INSYN2B: variants seen among roughly 807,000 people sequenced by gnomAD.
The protein encoded by INSYN2B is inhibitory synaptic factor family member 2B.
INSYN2B carries 16 observed loss-of-function variants against 41.2 expected under a neutral mutation model. The ratio of observed to expected loss-of-function variants is 0.39; its 90% CI spans 0.26 to 0.59. The LOEUF is 0.59. Ranked by LOEUF, INSYN2B falls within the 20% of genes least tolerant of loss-of-function variation. INSYN2B has a pLI of 0.57. For synonymous variants in INSYN2B, 245 were observed against 244.4 expected (o/e 1.00, Z -0.02); for missense variants, 608 against 646.4 (o/e 0.94, Z 0.64).
chr5:169,873,285 G>C (rs542413640), intron 3 of INSYN2B, among the ~76,000 whole-genome samples: 21 of 152,234 alleles, frequency 1.4e-4, no homozygotes, highest in Admixed American at 3.3e-4. Context: ...TCTCCTGTTG[G>C]GACTCAGAGA....
At chr5:169,916,389 C>T (rs1371821294) in intron 1 of INSYN2B, among the ~76,000 whole-genome samples, 1 of 152,196 alleles carries the variant, frequency 6.6e-6, no homozygotes, top group African/African-American at 2.4e-5. Context: ...CAATTTCTGG[C>T]CCTCCTATCA....
chr5:169,909,426 T>G (rs972759686), intron 1 of INSYN2B, among the ~76,000 whole-genome samples: 21 of 152,204 alleles, frequency 1.4e-4, no homozygotes, highest in Non-Finnish European at 2.6e-4. Flanking sequence ...GCAATGAATT[T>G]AAAAAAATCT....
At chr5:169,881,982 T>G (rs1190893255) in intron 2 of INSYN2B, among the ~76,000 whole-genome samples, 1 of 152,182 alleles carries the variant, frequency 6.6e-6, no homozygotes, top group Non-Finnish European at 1.5e-5. Flanking sequence ...GGAAAGCATT[T>G]TGTGACTTTT....
chr5:169,888,231 A>G lies in INSYN2B; in HGVS notation c.-918-3415T>C, dbSNP rs189383041. ...ACATCGTGGGGAATACACCTGGCTA[A>G]AAGCACCCTCTGGAGGCCCTTAAGT... On this transcript the variant is annotated intron_variant, in intron 1 of 3. Transcript: ENST00000377365. Among the ~76,000 whole-genome samples the G allele has an allele frequency of 1.8e-4, 27 of 152,282 alleles. No individual in the cohort carries two copies. The East Asian group carries it at 5.2e-3, about 29-fold the overall frequency.
intron 1 of INSYN2B, among the ~76,000 whole-genome samples, chr5:169,906,856 C>T (rs771200758): frequency 6.6e-6 from 1 of 152,126 alleles, no homozygotes; most frequent in Non-Finnish European, 1.5e-5. Flanking sequence ...GACTGCTAGC[C>T]GCCTCTGTCC....
At chr5:169,910,880 G>C (rs1398178775) in intron 1 of INSYN2B, among the ~76,000 whole-genome samples, 1 of 152,164 alleles carries the variant, frequency 6.6e-6, no homozygotes, top group African/African-American at 2.4e-5. Flanking sequence ...TTCTCCTGCA[G>C]GGGGTTGGTT....
intron 3 of INSYN2B, among the ~76,000 whole-genome samples, chr5:169,869,973 G>A (rs1036224706): frequency 3.3e-5 from 5 of 152,212 alleles, no homozygotes; most frequent in African/African-American, 1.2e-4. Flanking sequence ...GGCTTACAGT[G>A]GAGGGCAAAT....
chr5:169,923,981 A>T (rs1326708034), intron 1 of INSYN2B, among the ~76,000 whole-genome samples: 1 of 152,222 alleles, frequency 6.6e-6, no homozygotes, highest in African/African-American at 2.4e-5. Flanking sequence ...ATGGAGCTGG[A>T]TTAATAACGT....
chr5:169,941,721 G>A (rs1296050119), intron 1 of INSYN2B, among the ~76,000 whole-genome samples: 4 of 152,188 alleles, frequency 2.6e-5, no homozygotes, highest in African/African-American at 7.2e-5. Context: ...CTGTTATGTG[G>A]AAAACAAACT....
chr5:169,928,678 A>C (rs183300207), intron 1 of INSYN2B, among the ~76,000 whole-genome samples: 1 of 152,240 alleles, frequency 6.6e-6, no homozygotes, highest in Non-Finnish European at 1.5e-5. Flanking sequence ...CAAACTGTTG[A>C]AGCGTAAAGC....
chr5:169,938,893 T>C lies in INSYN2B; in HGVS notation c.-919+41384A>G, dbSNP rs1319105840. On this transcript the variant is annotated intron_variant, in intron 1 of 3. Transcript: ENST00000377365. ...TATCCTTATTCTACAAGCATTTTTC[T>C]TTCTTTTTTTTCTTTTCTTTTTTTT... 2.1e-5 allele frequency among the ~76,000 whole-genome samples: 3 copies of C among 145,814 alleles called. No individual in the cohort carries two copies. The Admixed American group carries it at 2.2e-4, about 11-fold the overall frequency.
intron 1 of INSYN2B, among the ~76,000 whole-genome samples, chr5:169,903,540 G>A (rs753532616): frequency 6.6e-6 from 1 of 151,588 alleles, no homozygotes; most frequent in Non-Finnish European, 1.5e-5. Context: ...GGGGGGCAGG[G>A]GGCGTTCGGG....
intron 1 of INSYN2B, among the ~76,000 whole-genome samples, chr5:169,892,892 C>T (rs1466135223): frequency 6.6e-6 from 1 of 151,922 alleles, no homozygotes; most frequent in Non-Finnish European, 1.5e-5. Flanking sequence ...GTCTTCACTC[C>T]TTCTTTTCCC....
intron 1 of INSYN2B, among the ~76,000 whole-genome samples, chr5:169,952,701 C>A (rs1463938314): frequency 6.6e-6 from 1 of 152,172 alleles, no homozygotes; most frequent in African/African-American, 2.4e-5. Flanking sequence ...CATGCTCCAG[C>A]CAGCCTTGCC....
At chr5:169,921,141 A>G (rs1775151918) in intron 1 of INSYN2B, among the ~76,000 whole-genome samples, 1 of 152,208 alleles carries the variant, frequency 6.6e-6, no homozygotes, top group African/African-American at 2.4e-5. Flanking sequence ...GTAGGAATGA[A>G]TGCAATGTTA....
At chr5:169,979,337 G>A (rs575621918) in intron 1 of INSYN2B, among the ~76,000 whole-genome samples, 5 of 152,270 alleles carry the variant, frequency 3.3e-5, no homozygotes, top group African/African-American at 1.2e-4. Context: ...TTTAAGACAT[G>A]GTGGATATGG....
At chr5:169,921,618 A>G (rs569195653) in intron 1 of INSYN2B, among the ~76,000 whole-genome samples, 2 of 152,284 alleles carry the variant, frequency 1.3e-5, no homozygotes, top group Non-Finnish European at 2.9e-5. Flanking sequence ...ACTTTGTTTA[A>G]CCCAGTGTTT....
At chr5:169,917,757 A>T (rs1450873726) in intron 1 of INSYN2B, among the ~76,000 whole-genome samples, 1 of 152,202 alleles carries the variant, frequency 6.6e-6, no homozygotes, top group Non-Finnish European at 1.5e-5. Flanking sequence ...ACACTCAGAA[A>T]GGGATTTTTT....
At chr5:169,977,246 G>T (rs916640781) in intron 1 of INSYN2B, among the ~76,000 whole-genome samples, 1 of 152,174 alleles carries the variant, frequency 6.6e-6, no homozygotes, top group Non-Finnish European at 1.5e-5. Context: ...TTAACCAAAA[G>T]CATGTTCAGC....
Sources: allele counts gnomAD v4.1 joint callset (sites outside exome capture counted in the v4.1 genomes callset), GRCh38; gene constraint gnomAD v4.1.1; transcripts MANE v1.5; gene names NCBI Gene and HGNC (gene_info 2026-07-23, HGNC 2026-07-21).